FREM3: variants seen among roughly 807,000 people sequenced by gnomAD.
FREM3 encodes FRAS1-related extracellular matrix protein 3.
A neutral mutation model predicts 129.1 loss-of-function variants in FREM3; 105 were observed. That is an observed-to-expected ratio of 0.81 (90% CI 0.69 to 0.96). FREM3 has a LOEUF of 0.96. Ranked by LOEUF, FREM3 falls within the 40% of genes least tolerant of loss-of-function variation. The pLI, the probability that FREM3 is intolerant of heterozygous loss-of-function variation, is 0.00. For synonymous variants in FREM3, 1,014 were observed against 1,044.9 expected (o/e 0.97, Z 0.57); for missense variants, 2,593 against 2,666.3 (o/e 0.97, Z 0.61).
At chr4:143,596,758 G>A (rs531546777) in intron 6 of FREM3, among the ~76,000 whole-genome samples, 3 of 143,600 alleles carry the variant, frequency 2.1e-5, no homozygotes, top group Non-Finnish European at 4.6e-5. Flanking sequence ...AACATAGCGA[G>A]ATCCCATCTC....
intron 2 of FREM3, among the ~76,000 whole-genome samples, chr4:143,661,559 T>C (rs544252837): frequency 1.2e-3 from 181 of 151,952 alleles, no homozygotes; most frequent in Admixed American, 2.8e-3. Context: ...TCTTTTTTGG[T>C]TGTGTCTCTG....
chr4:143,672,023 G>T (rs1473406039), intron 2 of FREM3, among the ~76,000 whole-genome samples: 2 of 152,150 alleles, frequency 1.3e-5, no homozygotes, highest in Admixed American at 1.3e-4. Flanking sequence ...AGTTGTCAAG[G>T]TTCCCCTCTC....
At chr4:143,603,041 T>A (rs11100795) in intron 6 of FREM3, among the ~76,000 whole-genome samples, 51,114 of 152,052 alleles carry the variant, frequency 0.34, 9,916 homozygotes, top group South Asian at 0.44. Context: ...GAGCCTCCTT[T>A]AAGGAGAGAA....
Position 143,698,057 on chromosome 4 carries a change from T to C in FREM3, c.2619A>G (p.Gln873=), listed in dbSNP as rs181388498. The part of the protein sequence containing the change: ...QIVFILVRGP[Q]HGHLQYFKRC... ...TTTTAAAGTACTGCAAGTGTCCATG[T>C]TGGGGACCCCGGACTAATATGAAGA... The change falls in exon 1 of 8, where the codon CAA becomes CAG. Residue 873 remains glutamine (Q), a synonymous_variant. Transcript: ENST00000329798. 124 of 1,537,348 alleles carry C rather than the reference T, an allele frequency of 8.1e-5. 1 individual carries two copies. In the African/African-American group the frequency reaches 1.1e-3, roughly 13 times the overall value.
At chr4:143,586,758 G>C (rs1315181636) in intron 6 of FREM3, among the ~76,000 whole-genome samples, 1 of 152,160 alleles carries the variant, frequency 6.6e-6, no homozygotes, top group Non-Finnish European at 1.5e-5. Flanking sequence ...GAACTTAGGT[G>C]ATTATTTAAA....
At position 143,698,358 on chromosome 4, in the gene FREM3, A is replaced by C; in HGVS notation, c.2318T>G (p.Met773Arg). The C allele has an allele frequency of 6.5e-7, 1 of 1,537,960 alleles. No homozygotes were observed. Among genetic ancestry groups the C allele is most frequent in the Non-Finnish European group, 8.7e-7 (1 of 1,147,078 alleles). ...VLTDSPDTLI[M>R]HFTQAQVNQH... ...ATTTACCTGGGCTTGGGTAAAGTGCATGATGAGTGTGTCTGGTGAATCAGT... is the reference window on the plus strand; with the variant it reads ...ATTTACCTGGGCTTGGGTAAAGTGCCTGATGAGTGTGTCTGGTGAATCAGT... Residue 773 changes from methionine (M) to arginine (R), a missense_variant, in exon 1 of 8, where the codon ATG becomes AGG. Coordinates refer to ENST00000329798, the MANE Select transcript of FREM3 (RefSeq NM_001168235.2).
chr4:143,678,643 T>C (rs1383724903), intron 2 of FREM3, among the ~76,000 whole-genome samples: 1 of 152,074 alleles, frequency 6.6e-6, no homozygotes, highest in Admixed American at 6.6e-5. Flanking sequence ...ATATCCAGGT[T>C]AAATCAATAT....
In FREM3 at chr4:143,623,410, A is replaced by T. The variant is rs117551556; in HGVS notation, c.5653+698T>A. On this transcript the variant is annotated intron_variant, in intron 4 of 7. Coordinates refer to ENST00000329798, the MANE Select transcript of FREM3 (RefSeq NM_001168235.2). ...AAGGCCTGCTCCCTAGTTGTAAGCT[A>T]TGCACTTCCAGGTGCTACATGACCT... Among the ~76,000 whole-genome samples the T allele has an allele frequency of 1.5e-3, 228 of 150,712 alleles. 9 individuals are homozygous for T. The East Asian group carries it at 0.041, about 27-fold the overall frequency.
chr4:143,623,111 T>C (rs1460431074), intron 4 of FREM3, among the ~76,000 whole-genome samples: 1 of 152,202 alleles, frequency 6.6e-6, no homozygotes, highest in African/African-American at 2.4e-5. Context: ...TTAAAAGATA[T>C]TCCTTGGAGA....
At chr4:143,637,620 T>G (rs928856812) in intron 2 of FREM3, among the ~76,000 whole-genome samples, 2 of 152,098 alleles carry the variant, frequency 1.3e-5, no homozygotes, top group Non-Finnish European at 2.9e-5. Flanking sequence ...GAGGGACAGG[T>G]GGCTCTCTTT....
At chr4:143,690,473 G>C (rs1312271470) in intron 2 of FREM3, among the ~76,000 whole-genome samples, 1 of 152,108 alleles carries the variant, frequency 6.6e-6, no homozygotes, top group Admixed American at 6.6e-5. Flanking sequence ...AGGCAGGGCA[G>C]GGTCTTCTTT....
intron 2 of FREM3, among the ~76,000 whole-genome samples, chr4:143,688,756 CA>C (rs1217441254): frequency 6.6e-6 from 1 of 152,006 alleles, no homozygotes; most frequent in Non-Finnish European, 1.5e-5. Flanking sequence ...ACAAGGCAAA[CA>C]AAAAACATAC....
rs1738624340 is a variant in FREM3, at chr4:143,604,113, T to C, written c.6028+7166A>G. Among the ~76,000 whole-genome samples, 3 of 152,040 alleles carry C rather than the reference T, an allele frequency of 2.0e-5. No individual in the cohort carries two copies. In the South Asian group the frequency reaches 6.2e-4, roughly 32 times the overall value. On this transcript the variant is annotated intron_variant, in intron 6 of 7. Transcript: ENST00000329798. Reference sequence around the variant, plus strand: ...ACATGATCTGATTGTTTAAAGAGCCTGGCACTTCCTCCCCTCTCTGTTGCT... The same window carrying C: ...ACATGATCTGATTGTTTAAAGAGCCCGGCACTTCCTCCCCTCTCTGTTGCT...
chr4:143,695,843 G>A lies in FREM3; in HGVS notation c.4833C>T (p.Asp1611=), dbSNP rs143134815. The change falls in exon 1 of 8, where the codon GAC becomes GAT. Residue 1611 remains aspartate, a synonymous_variant. Coordinates refer to ENST00000329798, the MANE Select transcript of FREM3 (RefSeq NM_001168235.2). The part of the protein sequence containing the change: ...LNKNLISYKH[D]GSETTEDSFS... The stretch of plus-strand genomic sequence containing the variant: ...AACTATCTTCAGTGGTCTCACTGCC[G>A]TCATGCTTGTAGCTAATCAGGTTCT... The A allele has an allele frequency of 2.0e-4, 310 of 1,537,368 alleles. No homozygotes were observed. Among genetic ancestry groups the A allele is most frequent in the African/African-American group, 9.3e-4 (68 of 73,144 alleles).
In FREM3 at chr4:143,699,658, C is replaced by A. The variant is rs1740654778; in HGVS notation, c.1018G>T (p.Gly340Cys). 1.3e-6 allele frequency: 2 copies of A among 1,529,798 alleles called. No homozygotes were observed. The highest frequency in any genetic ancestry group is 1.8e-6 in the Non-Finnish European group (2 of 1,142,488). 94.8% of individuals were successfully genotyped at this position (1,529,798 alleles called of 1,614,324 possible). Residue 340 changes from glycine (G) to cysteine (C), a missense_variant, in exon 1 of 8, where the codon GGT (glycine) becomes TGT (cysteine). Transcript: ENST00000329798. This position sits in a 1 kb window ranked among gnomAD's most constrained non-coding sequence, Gnocchi z 4.2. ...TTCAGAATGTTGAACACCAGGTCACCAGGGTCTGACTCGACGTCCTCCGCG... is the reference window on the plus strand; with the variant it reads ...TTCAGAATGTTGAACACCAGGTCACAAGGGTCTGACTCGACGTCCTCCGCG... ...LAAEDVESDP[G>C]DLVFNILNAP...
intron 6 of FREM3, among the ~76,000 whole-genome samples, chr4:143,606,408 A>G (rs1342577734): frequency 2.7e-4 from 41 of 152,068 alleles, no homozygotes; most frequent in Admixed American, 2.6e-3. Flanking sequence ...GAAAGCTGCA[A>G]CCCTTTTAAA....
Position 143,700,034 on chromosome 4 carries a change from A to G in FREM3, c.642T>C (p.Pro214=). 6.6e-7 allele frequency: 1 copy of G among 1,513,154 alleles called. No homozygotes were observed. The highest frequency in any genetic ancestry group is 8.8e-7 in the Non-Finnish European group (1 of 1,132,776). The allele number at this position is 1,513,154 out of a possible 1,614,324, so 93.7% of individuals were successfully genotyped here. A position where few individuals can be genotyped will look rare whatever the true frequency, so the allele number is the denominator to read the frequency against. The change falls in exon 1 of 8, where the codon CCT becomes CCC. Residue 214 remains proline (P), a synonymous_variant. Transcript: ENST00000329798. ...ACTTGGGCAGGGGGCCGTCCTCGTG[A>G]GGAAGTGGGGTAAGCCGGCACCTGC... is the stretch of plus-strand genomic sequence containing the variant. The part of the protein sequence containing the change: ...ATRRCRLTPL[P]HEDGPLPKYG...
chr4:143,668,594 C>G (rs755849656), intron 2 of FREM3, among the ~76,000 whole-genome samples: 6 of 152,196 alleles, frequency 3.9e-5, no homozygotes, highest in Admixed American at 6.5e-5. Context: ...CACTGACTTT[C>G]CAGTTTGGTG....
intron 5 of FREM3, among the ~76,000 whole-genome samples, chr4:143,620,543 G>A (rs2149841226): frequency 6.6e-6 from 1 of 152,318 alleles, no homozygotes; most frequent in Non-Finnish European, 1.5e-5. Flanking sequence ...CTTGTTTTCG[G>A]TGCGAAGATG....
Sources: gnomAD v4.1 joint callset for allele counts (sites outside exome capture counted in the v4.1 genomes callset) on GRCh38, gnomAD v4.1.1 for gene constraint, Gnocchi (gnomAD v3.1) non-coding constraint, MANE v1.5 for transcripts, NCBI Gene and HGNC (gene_info 2026-07-23, HGNC 2026-07-21) for gene names.